Variants in TBXAS1 observed in about 807,000 individuals in gnomAD.
The protein encoded by TBXAS1 is thromboxane-A synthase.
A neutral mutation model predicts 60.7 loss-of-function variants in TBXAS1; 48 were observed. That is an observed-to-expected ratio of 0.79 (90% confidence interval 0.63 to 1.01). The LOEUF (loss-of-function observed/expected upper bound fraction) is 1.01, where lower values mean the gene tolerates loss of function less well. TBXAS1 is among the 50% of genes least tolerant of loss of function. The pLI, the probability that TBXAS1 is intolerant of heterozygous loss-of-function variation, is 0.00. For missense variants in TBXAS1, 685 were observed against 686.3 expected (o/e 1.00, Z 0.02); for synonymous variants, 287 against 269.7 (o/e 1.06, Z -0.63).
intron 6 of TBXAS1, 48 bp downstream of exon 6, chr7:139,953,504 C>T (rs921307083): frequency 2.0e-6 from 3 of 1,532,764 alleles, no homozygotes; most frequent in African/African-American, 2.7e-5. Context: ...TGAATCACTG[C>T]TTCTTGTAAC....
chr7:140,005,575 G>T (rs1201596827), intron 9 of TBXAS1, among the ~76,000 whole-genome samples: 1 of 152,202 alleles, frequency 6.6e-6, no homozygotes, highest in African/African-American at 2.4e-5. Flanking sequence ...GGAAGTGTGG[G>T]GTTGGGTGAT....
At chr7:139,959,358 G>A (rs1810140694) in intron 8 of TBXAS1, among the ~76,000 whole-genome samples, 1 of 152,164 alleles carries the variant, frequency 6.6e-6, no homozygotes, top group South Asian at 2.1e-4. Context: ...GATGTTAAAA[G>A]GTAAATATTT....
Position 140,013,908 on chromosome 7 carries a change from C to A in TBXAS1, c.1227-1815C>A, listed in dbSNP as rs925056974. 6.6e-6 allele frequency among the ~76,000 whole-genome samples: 1 copy of A among 152,238 alleles called. No homozygotes were observed. Among genetic ancestry groups the A allele is most frequent in the Non-Finnish European group, 1.5e-5 (1 of 68,044 alleles). On this transcript the variant is annotated intron_variant, in intron 10 of 12. Coordinates refer to ENST00000448866, the MANE Select transcript of TBXAS1 (RefSeq NM_001061.7). This position sits in a 1 kb window ranked among gnomAD's most constrained non-coding sequence, Gnocchi z 4.2. ...CATCTTCCTGGCTTCTGATCTGCTG[C>A]CGTCCCCGATTCATGGCCTCACTTC...
intron 4 of TBXAS1, among the ~76,000 whole-genome samples, chr7:139,821,655 T>G (rs1475781277): frequency 6.6e-6 from 1 of 152,218 alleles, no homozygotes; most frequent in East Asian, 1.9e-4. Context: ...AGGAGATGTT[T>G]CCTCTTCCCC....
At chr7:139,818,928 C>T (rs1798223112) in intron 4 of TBXAS1, among the ~76,000 whole-genome samples, 1 of 152,196 alleles carries the variant, frequency 6.6e-6, no homozygotes, top group African/African-American at 2.4e-5. Context: ...ATCATACCAG[C>T]ATCTCAGAGG....
At position 139,921,527 on chromosome 7, in the gene TBXAS1, C is replaced by T. The variant is rs183248784; in HGVS notation, c.333+10206C>T. 4.9e-4 allele frequency among the ~76,000 whole-genome samples: 75 copies of T among 152,126 alleles called. No individual in the cohort carries two copies. The Middle Eastern group carries it at 0.017, about 34-fold the overall frequency. On this transcript the variant is annotated intron_variant, in intron 4 of 12. Transcript: ENST00000448866. The stretch of plus-strand genomic sequence containing the variant: ...TGGCCTGGGCAACAAAGTGAGACCC[C>T]TGTCTCTACAAAAAAAAATTTTTAA...
In TBXAS1 at chr7:139,952,010, GAAAA is replaced by G. The variant is rs375404174; in HGVS notation, c.451-1356_451-1353del. On this transcript the variant is annotated intron_variant, in intron 5 of 12. Transcript: ENST00000448866. ...AGAAAGAAAGAAAGAAAGAAAGAAA[GAAAA>G]AGAAAGGAAGGAAGGAGGGAAGGAA... Among the ~76,000 whole-genome samples the G allele has an allele frequency of 9.9e-3, 1,343 of 135,162 alleles. 186 individuals carry two copies. Among genetic ancestry groups the G allele is most frequent in the Middle Eastern group, 0.022 (6 of 276 alleles). 88.7% of individuals were successfully genotyped at this position (135,162 alleles called of 152,430 possible).
At chr7:139,802,741 TC>T (rs1797752188) in intron 4 of TBXAS1, among the ~76,000 whole-genome samples, 1 of 152,016 alleles carries the variant, frequency 6.6e-6, no homozygotes, top group South Asian at 2.1e-4. Flanking sequence ...CTGAGATCAC[TC>T]CACTGCACTC....
chr7:139,816,517 G>A (rs2361644), intron 4 of TBXAS1, among the ~76,000 whole-genome samples: 106,081 of 151,984 alleles, frequency 0.7, 38,760 homozygotes, highest in East Asian at 0.92. Flanking sequence ...GAATTTTAAA[G>A]GATCTCCCTG....
chr7:139,913,221 A>G, intron 4 of TBXAS1: 1 of 691,372 alleles, frequency 1.4e-6, no homozygotes, highest in Non-Finnish European at 2.7e-6. Flanking sequence ...TCTCTTTCCC[A>G]AACACTGCAT....
chr7:139,870,090 T>C (rs1452371428), intron 1 of TBXAS1, among the ~76,000 whole-genome samples: 1 of 152,208 alleles, frequency 6.6e-6, no homozygotes, highest in Admixed American at 6.5e-5. Context: ...CTACAAATGC[T>C]CAAGTTCCAG....
intron 1 of TBXAS1, among the ~76,000 whole-genome samples, chr7:139,865,686 G>C (rs1429913901): frequency 8.0e-6 from 1 of 125,680 alleles, no homozygotes; most frequent in Non-Finnish European, 1.7e-5. Context: ...AGGAAGAGGA[G>C]GAGGAGGAAG....
At chr7:139,829,753 G>A (rs1798585366) in intron 1 of TBXAS1, among the ~76,000 whole-genome samples, 1 of 152,188 alleles carries the variant, frequency 6.6e-6, no homozygotes, top group Non-Finnish European at 1.5e-5. Context: ...AAACAAATTG[G>A]AAAGGCATTA....
intron 4 of TBXAS1, among the ~76,000 whole-genome samples, chr7:139,787,583 G>A (rs1797238592): frequency 6.6e-6 from 1 of 152,290 alleles, no homozygotes; most frequent in South Asian, 2.1e-4. Context: ...GGCACCACCG[G>A]GTTCCTGAGT....
chr7:139,914,134 A>T (rs1020522846), intron 4 of TBXAS1: 5 of 148,558 alleles, frequency 3.4e-5, no homozygotes, highest in African/African-American at 1.3e-4. Flanking sequence ...GGCCCAAGTG[A>T]TCCTCCCACC....
At chr7:139,790,642 C>G (rs539329834) in intron 4 of TBXAS1, among the ~76,000 whole-genome samples, 1 of 152,210 alleles carries the variant, frequency 6.6e-6, no homozygotes, top group South Asian at 2.1e-4. Flanking sequence ...TAGTAATAAG[C>G]AAAAATTCAA....
At chr7:139,890,205 GTCTTT>G (rs146445197) in intron 3 of TBXAS1, among the ~76,000 whole-genome samples, 1 of 114,110 alleles carries the variant, frequency 8.8e-6, no homozygotes, top group Non-Finnish European at 1.8e-5. Context: ...TTAGGATGCA[GTCTTT>G]TTTTTTTTTT....
At chr7:140,015,273 A>T (rs530203463) in intron 10 of TBXAS1, among the ~76,000 whole-genome samples, 3 of 152,126 alleles carry the variant, frequency 2.0e-5, no homozygotes, top group Non-Finnish European at 2.9e-5. Flanking sequence ...ATGGGAGGAG[A>T]GGGAGCGAGA....
intron 6 of TBXAS1, among the ~76,000 whole-genome samples, chr7:139,954,184 T>C (rs537243960): frequency 6.6e-6 from 1 of 152,236 alleles, no homozygotes; most frequent in Non-Finnish European, 1.5e-5. Context: ...TAAAGTGGGA[T>C]GGTGAATCAT....
Sources: allele counts gnomAD v4.1 joint callset (sites outside exome capture counted in the v4.1 genomes callset), GRCh38; gene constraint gnomAD v4.1.1; non-coding constraint Gnocchi (gnomAD v3.1); transcripts MANE v1.5; gene names NCBI Gene and HGNC (gene_info 2026-07-23, HGNC 2026-07-21).